The following ALDH6A1 variants were observed in gnomAD, a reference collection of about 807,000 sequenced individuals.
The protein encoded by ALDH6A1 is methylmalonate-semialdehyde/malonate-semialdehyde dehydrogenase [acylating], mitochondrial.
In ALDH6A1, 43 loss-of-function variants were observed where a neutral mutation model predicts 62.6. The observed-to-expected ratio is 0.69, with a 90% confidence interval of 0.54 to 0.89. ALDH6A1 has a LOEUF of 0.89. Among genes scored for constraint, ALDH6A1 ranks in the 40% least tolerant of loss-of-function variants. The pLI is 0.00. For synonymous variants in ALDH6A1, 194 were observed against 234.2 expected, an observed-to-expected ratio of 0.83 and a Z score of 1.57; for missense variants, 551 against 661.3, an observed-to-expected ratio of 0.83 and a Z score of 1.83.
chr14:74,065,555 A>C (rs922603873), intron 9 of ALDH6A1, 195 bp from the exon 10 acceptor site: 1 of 594,374 alleles, frequency 1.7e-6, no homozygotes, highest in East Asian at 2.9e-5. Flanking sequence ...GTTACCAATC[A>C]TATAAACAAC....
chr14:74,064,768 A>G, intron 11 of ALDH6A1, 54 bp downstream of exon 11: 1 of 1,611,446 alleles, frequency 6.2e-7, no homozygotes, highest in Non-Finnish European at 8.5e-7. Context: ...GCTCCTGAAT[A>G]TCTTTAAGAA....
rs1257171639 is a variant in ALDH6A1, at chr14:74,066,738, G to T, written c.1191C>A (p.Asn397Lys). Residue 397 changes from asparagine (N) to lysine (K), a missense_variant, in exon 9 of 12, where the codon AAC (asparagine) becomes AAA (lysine). Transcript: ENST00000553458. ...KIKVKGYENG[N>K]FVGPTIISNV... Reference sequence around the variant, plus strand: ...TCGAGATGATGGTTGGTCCAACAAAGTTGCCATTTTCATAGCCTTTCACTT... The same window carrying T: ...TCGAGATGATGGTTGGTCCAACAAATTTGCCATTTTCATAGCCTTTCACTT... 6.2e-7 allele frequency: 1 copy of T among 1,613,950 alleles called. No homozygotes were observed. Among genetic ancestry groups the T allele is most frequent in the Non-Finnish European group, 8.5e-7 (1 of 1,180,022 alleles).
rs1595120833 is a variant in ALDH6A1 at position 74,068,651 on chromosome 14, G to T, written c.852+209C>A. Among the ~76,000 whole-genome samples the T allele has an allele frequency of 2.6e-5, 4 of 152,108 alleles. No homozygotes were observed. The East Asian group carries it at 7.8e-4, about 29-fold the overall frequency. On this transcript the variant is annotated intron_variant, in intron 7 of 11. Coordinates refer to ENST00000553458, the MANE Select transcript of ALDH6A1 (RefSeq NM_005589.4). ...CCAGCTACTCGGGAGGCTGAGGCAG[G>T]AGAATCGCTTGAACCCGGGAGGCAG...
At chr14:74,067,301 G>T in intron 8 of ALDH6A1, 79 bp downstream of exon 8, 1 of 1,515,672 alleles carries the variant, frequency 6.6e-7, no homozygotes, top group Non-Finnish European at 9.1e-7. Context: ...TGTTCCCACT[G>T]GCCAAGGCCA....
Position 74,072,236 on chromosome 14 carries a change from C to G in ALDH6A1, c.315G>C (p.Leu105Phe). The G allele has an allele frequency of 6.2e-7, 1 of 1,614,212 alleles. No homozygotes were observed. The highest frequency in any genetic ancestry group is 1.1e-5 in the South Asian group (1 of 91,092). Reference protein sequence around the residue: ...DTSVLSRQQVLLRYQQLIKEN... With the variant: ...DTSVLSRQQVFLRYQQLIKEN... ...CTTTAATAAGTTGTTGATAGCGGAG[C>G]AAGACCTGCTGGCGGCTTAATACTG... The change falls in exon 4 of 12, where the codon TTG (leucine) becomes TTC (phenylalanine). Residue 105 changes from leucine to phenylalanine, a missense_variant. Coordinates refer to ENST00000553458, the MANE Select transcript of ALDH6A1 (RefSeq NM_005589.4).
Position 74,068,973 on chromosome 14 carries a change from A to G in ALDH6A1, c.739T>C (p.Phe247Leu). Residue 247 changes from phenylalanine to leucine, a missense_variant, in exon 7 of 12, where the codon TTT becomes CTT. Coordinates refer to ENST00000553458, the MANE Select transcript of ALDH6A1 (RefSeq NM_005589.4). ...IIHGQHEAVN[F>L]ICDHPDIKAI... is the part of the protein sequence containing the mutation. ...TTGATGTCCGGATGATCGCAAATAA[A>G]ATTTACAGCTTTAAGAAGAAAATAA... 1.2e-6 allele frequency: 2 copies of G among 1,613,952 alleles called. No homozygotes were observed. The highest frequency in any genetic ancestry group is 2.2e-5 in the South Asian group (2 of 91,074).
chr14:74,069,316 C>T, intron 6 of ALDH6A1: 1 of 339,072 alleles, frequency 2.9e-6, no homozygotes, highest in Non-Finnish European at 5.7e-6. Context: ...CTTGGCCAGG[C>T]TGGTCTTGAA....
intron 1 of ALDH6A1, among the ~76,000 whole-genome samples, chr14:74,077,963 C>T (rs1043230514): frequency 1.1e-4 from 17 of 152,106 alleles, no homozygotes; most frequent in African/African-American, 3.1e-4. Context: ...TTGTAAATAA[C>T]GGCACGGTGA....
intron 2 of ALDH6A1, among the ~76,000 whole-genome samples, chr14:74,074,288 A>T (rs1482873157): frequency 1.8e-4 from 23 of 130,196 alleles, no homozygotes; most frequent in African/African-American, 4.3e-4. Flanking sequence ...CTTTCACTAA[A>T]TTTTTTTTTT....
intron 1 of ALDH6A1, 40 bp from the exon 2 acceptor site, chr14:74,075,057 A>G (rs1056843297): frequency 6.3e-7 from 1 of 1,596,796 alleles, no homozygotes; most frequent in Admixed American, 1.7e-5. Flanking sequence ...AAATGAGAGC[A>G]GAAAGTTATT....
chr14:74,064,368 T>A (rs1448135525), intron 11 of ALDH6A1, among the ~76,000 whole-genome samples: 2 of 152,080 alleles, frequency 1.3e-5, no homozygotes, highest in African/African-American at 4.8e-5. Flanking sequence ...CAACAACATT[T>A]TTTGTAAATG....
intron 6 of ALDH6A1, chr14:74,070,964 T>G (rs1171899556): frequency 1.8e-6 from 1 of 560,990 alleles, no homozygotes; most frequent in African/African-American, 1.9e-5. Context: ...CTAGCCCTAA[T>G]CCATATTTCT....
intron 1 of ALDH6A1, among the ~76,000 whole-genome samples, chr14:74,075,710 G>A (rs2060605707): frequency 1.3e-5 from 2 of 151,916 alleles, no homozygotes; most frequent in African/African-American, 2.4e-5. Context: ...TATAATCAAT[G>A]TAAATATAAA....
intron 1 of ALDH6A1, among the ~76,000 whole-genome samples, chr14:74,078,826 G>A (rs909244219): frequency 1.3e-5 from 2 of 151,774 alleles, no homozygotes; most frequent in Non-Finnish European, 2.9e-5. Flanking sequence ...ACTGCACCTG[G>A]CCACATTTTT....
chr14:74,065,143 A>G (rs2139764365), intron 10 of ALDH6A1, 38 bp downstream of exon 10: 2 of 1,608,978 alleles, frequency 1.2e-6, no homozygotes, highest in East Asian at 2.2e-5. Context: ...GAAATAGTAA[A>G]TGGATATAAG....
chr14:74,072,216 A>G lies in ALDH6A1; in HGVS notation c.335T>C (p.Ile112Thr). ...TAGATTTCATACCAAGTTTTCTTTA[A>G]TAAGTTGTTGATAGCGGAGCAAGAC... ...QQVLLRYQQL[I>T]KENLKEIAKL... is the part of the protein sequence containing the mutation. Residue 112 changes from isoleucine to threonine, a missense_variant, in exon 4 of 12, where the codon ATT (isoleucine) becomes ACT (threonine). Physicochemically the swap from Ile to Thr is moderately conservative, Grantham distance 89 (BLOSUM62 -1). Transcript: ENST00000553458. 7 of 1,614,218 alleles carry G rather than the reference A, an allele frequency of 4.3e-6. No homozygotes were observed. The highest frequency in any genetic ancestry group is 5.9e-6 in the Non-Finnish European group (7 of 1,180,044).
intron 1 of ALDH6A1, among the ~76,000 whole-genome samples, chr14:74,082,191 C>T (rs552235209): frequency 2.6e-4 from 40 of 152,058 alleles, no homozygotes; most frequent in Non-Finnish European, 5.4e-4. Context: ...GGTGACAGAG[C>T]GAGACCCTGT....
chr14:74,071,702 AGATCATTTGAGTAAAGAGTAAAGT>A, intron 5 of ALDH6A1, 170 bp downstream of exon 5: 1 of 1,475,758 alleles, frequency 6.8e-7, no homozygotes, highest in Non-Finnish European at 9.2e-7. Flanking sequence ...ACCCACTGGA[AGATCATTTGAGTAAAGAGTAAAGT>A]AAATCAGTCT....
At chr14:74,061,788 TATAG>T (rs902206564) in intron 11 of ALDH6A1, among the ~76,000 whole-genome samples, 1 of 152,232 alleles carries the variant, frequency 6.6e-6, no homozygotes, top group Non-Finnish European at 1.5e-5. Flanking sequence ...TCTCTCTATA[TATAG>T]ATATAGTTTA....
Sources: allele counts gnomAD v4.1 joint callset (sites outside exome capture counted in the v4.1 genomes callset), GRCh38; gene constraint gnomAD v4.1.1; transcripts MANE v1.5; gene names NCBI Gene and HGNC (gene_info 2026-07-23, HGNC 2026-07-21).